SH3TC2: variants seen among roughly 807,000 people sequenced by gnomAD.
SH3TC2 encodes the protein SH3 domain and tetratricopeptide repeat-containing protein 2.
SH3TC2 carries 87 observed loss-of-function variants against 124.5 expected under a neutral mutation model. The ratio of observed to expected loss-of-function variants is 0.70; its 90% CI spans 0.59 to 0.84. The LOEUF (loss-of-function observed/expected upper bound fraction) is 0.84. SH3TC2 is among the 40% of genes least tolerant of loss of function. SH3TC2 has a pLI of 0.00. For synonymous variants in SH3TC2, 634 were observed against 628.5 expected, an observed-to-expected ratio of 1.01 and a Z score of -0.13; for missense variants, 1,536 against 1,566.4, an observed-to-expected ratio of 0.98 and a Z score of 0.33.
At chr5:149,052,034 CTT>C (rs1754565423) in intron 2 of SH3TC2, 106 bp downstream of exon 2, 1 of 836,618 alleles carries the variant, frequency 1.2e-6, no homozygotes, top group Non-Finnish European at 2.1e-6. Flanking sequence ...TAGTCAAAAT[CTT>C]TTCATCAAGA....
In SH3TC2 at chr5:149,001,103, C is replaced by A. The variant is rs1325493372; in HGVS notation, c.*3608G>T. Among the ~76,000 whole-genome samples the A allele has an allele frequency of 6.6e-6, 1 of 152,118 alleles. No homozygotes were observed. Among genetic ancestry groups the A allele is most frequent in the Non-Finnish European group, 1.5e-5 (1 of 68,024 alleles). On this transcript the variant is annotated 3_prime_UTR_variant, in exon 17 of 17. Transcript: ENST00000515425. The stretch of plus-strand genomic sequence containing the variant: ...CTAACACCCTCCATTCCTGCATATT[C>A]CCTTCCCCAAATAAACTTCTGCCAA...
chr5:149,044,763 A>C, intron 3 of SH3TC2, 125 bp from the exon 4 acceptor site: 1 of 712,678 alleles, frequency 1.4e-6, no homozygotes, highest in South Asian at 1.6e-5. Context: ...TCACCAAAAA[A>C]TGGAAACAAC....
intron 12 of SH3TC2, among the ~76,000 whole-genome samples, chr5:149,023,445 T>C (rs1754009399): frequency 1.3e-5 from 2 of 152,138 alleles, no homozygotes; most frequent in South Asian, 4.1e-4. Context: ...GTATCATATA[T>C]AAACTTTAAA....
rs79354504 is a variant in SH3TC2, at chr5:148,985,146, G to A, written c.*19565C>T. Among the ~76,000 whole-genome samples the A allele has an allele frequency of 4.0e-5, 6 of 148,902 alleles. No homozygotes were observed. Among genetic ancestry groups the A allele is most frequent in the South Asian group, 2.1e-4 (1 of 4,716 alleles). On this transcript the variant is annotated 3_prime_UTR_variant, in exon 17 of 17. Transcript: ENST00000515425. The stretch of plus-strand genomic sequence containing the variant: ...TGAATAAGAATGAGCTACTTTTCTG[G>A]AAAAAAAAAAAACTATTCACTCAAA...
At position 148,990,551 on chromosome 5, in the gene SH3TC2, A is replaced by G. The variant is rs1217565043; in HGVS notation, c.*14160T>C. 1.3e-5 allele frequency among the ~76,000 whole-genome samples: 2 copies of G among 152,156 alleles called. No homozygotes were observed. The highest frequency in any genetic ancestry group is 2.9e-5 in the Non-Finnish European group (2 of 68,042). On this transcript the variant is annotated 3_prime_UTR_variant, in exon 17 of 17. Coordinates refer to ENST00000515425, the MANE Select transcript of SH3TC2 (RefSeq NM_024577.4). ...CCTTGGACCAGATCAATTGAATGCA[A>G]ATTCTGCCCCTGCTACTCACAAGCT... is the stretch of plus-strand genomic sequence containing the variant.
intron 12 of SH3TC2, 25 bp from the exon 13 acceptor site, chr5:149,012,759 G>A: frequency 6.2e-7 from 1 of 1,613,970 alleles, no homozygotes; most frequent in South Asian, 1.1e-5. Context: ...GAACTTGTGA[G>A]GTGTGAAGGC....
intron 2 of SH3TC2, among the ~76,000 whole-genome samples, chr5:149,051,903 A>G (rs1390515282): frequency 1.3e-5 from 2 of 152,234 alleles, no homozygotes; most frequent in Admixed American, 6.5e-5. Flanking sequence ...CAAAGCAAAT[A>G]AGTATGGAGC....
chr5:149,062,811 T>C (rs1248262176), intron 1 of SH3TC2, among the ~76,000 whole-genome samples, 160 bp downstream of exon 1: 1 of 152,202 alleles, frequency 6.6e-6, no homozygotes, highest in Non-Finnish European at 1.5e-5. Flanking sequence ...AGAGCCAGCA[T>C]GACAAACACT....
rs749975200 is a variant in SH3TC2, at chr5:149,000,218, T to G, written c.*4493A>C. On this transcript the variant is annotated 3_prime_UTR_variant, in exon 17 of 17. Transcript: ENST00000515425. The stretch of plus-strand genomic sequence containing the variant: ...TCCTGTCACCCAGCTGAATCCCCAC[T>G]TCCCTGAAATGTGTGCCCAAACCTG... Among the ~76,000 whole-genome samples the G allele has an allele frequency of 1.3e-5, 2 of 152,168 alleles. No homozygotes were observed. The highest frequency in any genetic ancestry group is 2.9e-5 in the Non-Finnish European group (2 of 68,020).
intron 4 of SH3TC2, 146 bp from the exon 5 acceptor site, chr5:149,042,983 G>C: frequency 1.1e-6 from 1 of 895,848 alleles, no homozygotes; most frequent in Non-Finnish European, 1.8e-6. Context: ...AACAACATAA[G>C]AGGCAAAGCC....
chr5:149,014,774 A>G (rs910246989), intron 12 of SH3TC2, among the ~76,000 whole-genome samples: 1 of 152,156 alleles, frequency 6.6e-6, no homozygotes, highest in African/African-American at 2.4e-5. Flanking sequence ...GGCATCTTTC[A>G]CTATAGGAAG....
chr5:149,037,441 A>C (rs1447703827), intron 8 of SH3TC2, among the ~76,000 whole-genome samples: 1 of 152,186 alleles, frequency 6.6e-6, no homozygotes, highest in African/African-American at 2.4e-5. Context: ...CACGAAGGGC[A>C]GGGCTTACAG....
rs1753558424 is a variant in SH3TC2 at position 148,999,259 on chromosome 5, C to T, written c.*5452G>A. ...ACTTCTCAATGTCAAGGCTTACATG[C>T]CTCCAAAGATGGATTTCCTTTTTAG... On this transcript the variant is annotated 3_prime_UTR_variant, in exon 17 of 17. Transcript: ENST00000515425. Among the ~76,000 whole-genome samples, 1 of 152,224 alleles carries T rather than the reference C, an allele frequency of 6.6e-6. No homozygotes were observed.
At chr5:149,010,606 G>T (rs1432201198) in intron 13 of SH3TC2, among the ~76,000 whole-genome samples, 1 of 152,046 alleles carries the variant, frequency 6.6e-6, no homozygotes, top group African/African-American at 2.4e-5. Flanking sequence ...GATTGCTTTT[G>T]GTGGTGCTAG....
At chr5:149,052,284 G>A (rs1229030931) in intron 1 of SH3TC2, 44 bp from the exon 2 acceptor site, 6 of 1,467,222 alleles carry the variant, frequency 4.1e-6, no homozygotes, top group Non-Finnish European at 4.8e-6. Flanking sequence ...GTGTAAGGAA[G>A]TTGAAAGCAA....
chr5:149,029,136 C>T (rs568774147), intron 9 of SH3TC2, among the ~76,000 whole-genome samples: 16 of 152,368 alleles, frequency 1.1e-4, no homozygotes, highest in East Asian at 7.7e-4. Flanking sequence ...GCACAGAACA[C>T]GTGGGAGCAC....
In SH3TC2 at chr5:149,007,723, A is replaced by G. The variant is rs190248604; in HGVS notation, c.3479-646T>C. 1.5e-3 allele frequency: 237 copies of G among 158,720 alleles called. No homozygotes were observed. The Middle Eastern group carries it at 0.017, about 11-fold the overall frequency. The allele number at this position is 158,720 out of a possible 1,614,324, so 9.8% of individuals were successfully genotyped here. A position where few individuals can be genotyped will look rare whatever the true frequency, so the allele number is the denominator to read the frequency against. On this transcript the variant is annotated intron_variant, in intron 15 of 16. Transcript: ENST00000515425. ...TTGTTTGGTGGATTTGTTTTAATAC[A>G]GAGCAATCTTTTACAGGGAACAAAG...
chr5:149,018,849 C>A lies in SH3TC2; in HGVS notation c.3054-6115G>T, dbSNP rs145828617. 5.3e-5 allele frequency among the ~76,000 whole-genome samples: 8 copies of A among 152,214 alleles called. No individual in the cohort carries two copies. The East Asian group carries it at 7.7e-4, about 15-fold the overall frequency. ...CTCCACTTTTCAAGATATTACTTAT[C>A]CTTCAAGGGCCTCCTCAAATGCTAC... is the stretch of plus-strand genomic sequence containing the variant. On this transcript the variant is annotated intron_variant, in intron 12 of 16. Transcript: ENST00000515425.
chr5:149,015,092 C>A (rs1219154427), intron 12 of SH3TC2, among the ~76,000 whole-genome samples: 2 of 152,218 alleles, frequency 1.3e-5, no homozygotes, highest in Non-Finnish European at 2.9e-5. Flanking sequence ...TTCATTATGA[C>A]TGTGGAAGAG....
Sources: gnomAD v4.1 joint callset for allele counts (sites outside exome capture counted in the v4.1 genomes callset) on GRCh38, gnomAD v4.1.1 for gene constraint, MANE v1.5 for transcripts, NCBI Gene and HGNC (gene_info 2026-07-23, HGNC 2026-07-21) for gene names.